The following IKZF2 variants were observed in gnomAD, a reference collection of about 807,000 sequenced individuals.
IKZF2 encodes the protein zinc finger protein Helios.
IKZF2 carries 15 observed loss-of-function variants against 49.2 expected under a neutral mutation model. The ratio of observed to expected loss-of-function variants is 0.30; its 90% CI spans 0.20 to 0.47. The LOEUF (loss-of-function observed/expected upper bound fraction) is 0.47. IKZF2 is among the 20% of genes least tolerant of loss of function. The probability of loss-of-function intolerance (pLI) is 1.00; values close to 1 mark genes in which losing one functional copy is unlikely to be tolerated. For synonymous variants in IKZF2, 227 were observed against 221.4 expected (o/e 1.03, Z -0.23); for missense variants, 567 against 664.6 (o/e 0.85, Z 1.61).
chr2:213,113,464 T>C (rs1395493399), intron 4 of IKZF2, among the ~76,000 whole-genome samples: 1 of 152,212 alleles, frequency 6.6e-6, no homozygotes, highest in African/African-American at 2.4e-5. Flanking sequence ...TAGCTTTTTC[T>C]TACACATAAT....
chr2:213,003,863 C>T lies in IKZF2; in HGVS notation c.*3497G>A, dbSNP rs1385504007. Reference sequence around the variant, plus strand: ...TAATATTTATTTTCTGAATTTTCTTCGTATTCCAAAAAACTTTACATTAAA... The same window carrying T: ...TAATATTTATTTTCTGAATTTTCTTTGTATTCCAAAAAACTTTACATTAAA... On this transcript the variant is annotated 3_prime_UTR_variant, in exon 9 of 9. Coordinates refer to ENST00000434687, the MANE Select transcript of IKZF2 (RefSeq NM_001387220.1). 7.9e-5 allele frequency: 12 copies of T among 151,684 alleles called. No homozygotes were observed. The highest frequency in any genetic ancestry group is 1.0e-4 in the Non-Finnish European group (7 of 67,750). 9.4% of individuals were successfully genotyped at this position (151,684 alleles called of 1,614,324 possible). A position where few individuals can be genotyped will look rare whatever the true frequency, so the allele number is the denominator to read the frequency against.
At chr2:213,104,820 A>G (rs997887034) in intron 4 of IKZF2, among the ~76,000 whole-genome samples, 5 of 152,240 alleles carry the variant, frequency 3.3e-5, no homozygotes, top group Non-Finnish European at 5.9e-5. Context: ...TCCACATAGC[A>G]TGCAACACAC....
At chr2:213,104,660 G>A (rs568932442) in intron 4 of IKZF2, among the ~76,000 whole-genome samples, 1 of 152,246 alleles carries the variant, frequency 6.6e-6, no homozygotes, top group African/African-American at 2.4e-5. Flanking sequence ...ATAGAAGCAG[G>A]GACTCTGCTT....
At chr2:213,035,320 C>T (rs979853901) in intron 6 of IKZF2, among the ~76,000 whole-genome samples, 23 of 152,020 alleles carry the variant, frequency 1.5e-4, no homozygotes, top group African/African-American at 3.1e-4. Context: ...GATTCTTGCC[C>T]GTCTCCCCTT....
At position 213,129,160 on chromosome 2, in the gene IKZF2, C is replaced by T. The variant is rs373704751; in HGVS notation, c.139+18548G>A. 4.7e-4 allele frequency among the ~76,000 whole-genome samples: 71 copies of T among 151,970 alleles called. No individual in the cohort carries two copies. The South Asian group carries it at 5.8e-3, about 13-fold the overall frequency. Reference sequence around the variant, plus strand: ...GTGAGTTCACATTTATTGTCTATTACATTCCTGGCCCTACTACATGAATGA... The same window carrying T: ...GTGAGTTCACATTTATTGTCTATTATATTCCTGGCCCTACTACATGAATGA... On this transcript the variant is annotated intron_variant, in intron 4 of 8. Transcript: ENST00000434687.
At chr2:213,045,102 T>C (rs1700033640) in intron 6 of IKZF2, among the ~76,000 whole-genome samples, 1 of 152,156 alleles carries the variant, frequency 6.6e-6, no homozygotes, top group Non-Finnish European at 1.5e-5. Flanking sequence ...CCTACAACTA[T>C]CACCTCTCCC....
At chr2:213,019,100 G>C (rs1353433928) in intron 7 of IKZF2, among the ~76,000 whole-genome samples, 3 of 151,998 alleles carry the variant, frequency 2.0e-5, no homozygotes, top group African/African-American at 7.3e-5. Context: ...GTAAGCTCTT[G>C]ATAAATGTTT....
upstream of IKZF2, among the ~76,000 whole-genome samples, chr2:213,151,906 G>A (rs1371157078): frequency 2.0e-5 from 3 of 150,994 alleles, no homozygotes; most frequent in Admixed American, 6.6e-5. Context: ...TGCGCGCTAA[G>A]CCGCTCGGCG....
intron 4 of IKZF2, among the ~76,000 whole-genome samples, chr2:213,116,363 GAT>G (rs1416159462): frequency 2.0e-5 from 3 of 152,148 alleles, no homozygotes; most frequent in African/African-American, 7.2e-5. Context: ...AATCTAAACA[GAT>G]ATACTTTGAG....
intron 4 of IKZF2, among the ~76,000 whole-genome samples, chr2:213,141,689 C>G (rs188676343): frequency 6.6e-6 from 1 of 151,818 alleles, no homozygotes; most frequent in East Asian, 1.9e-4. Flanking sequence ...TCTCATCCCC[C>G]GTAATAATCA....
intron 4 of IKZF2, among the ~76,000 whole-genome samples, chr2:213,135,202 G>A (rs2060613777): frequency 6.6e-6 from 1 of 152,148 alleles, no homozygotes; most frequent in Non-Finnish European, 1.5e-5. Context: ...ATGCAAGATA[G>A]AATTGAAAAT....
intron 4 of IKZF2, among the ~76,000 whole-genome samples, chr2:213,068,442 C>T (rs1271419233): frequency 1.3e-5 from 2 of 152,040 alleles, no homozygotes; most frequent in Admixed American, 6.6e-5. Flanking sequence ...AGGTAAAATG[C>T]TTAAAAGCCT....
At chr2:213,145,808 C>T (rs892474779) in intron 4 of IKZF2, among the ~76,000 whole-genome samples, 1 of 151,930 alleles carries the variant, frequency 6.6e-6, no homozygotes, top group African/African-American at 2.4e-5. Flanking sequence ...TAGCCAAAAC[C>T]TGTACTAACA....
At chr2:213,146,606 C>T (rs2061068825) in intron 4 of IKZF2, among the ~76,000 whole-genome samples, 1 of 151,762 alleles carries the variant, frequency 6.6e-6, no homozygotes, top group South Asian at 2.1e-4. Context: ...GTAGTATTTA[C>T]TAATTACTAA....
At chr2:213,138,013 C>G (rs1052874875) in intron 4 of IKZF2, among the ~76,000 whole-genome samples, 1 of 152,004 alleles carries the variant, frequency 6.6e-6, no homozygotes, top group African/African-American at 2.4e-5. Flanking sequence ...AGTGTAGACA[C>G]CCAGAATGTT....
rs73077223 is a variant in IKZF2, at chr2:213,072,861, T to C, written c.140-15762A>G. Among the ~76,000 whole-genome samples the C allele has an allele frequency of 1.2e-3, 185 of 152,258 alleles. 1 individual carries two copies. Among genetic ancestry groups the C allele is most frequent in the African/African-American group, 4.4e-3 (182 of 41,576 alleles). ...CACATGAACACGAAATCTAAGGCAC[T>C]GGAACCCATTCAGTTAGAGACTGAA... On this transcript the variant is annotated intron_variant, in intron 4 of 8. Coordinates refer to ENST00000434687, the MANE Select transcript of IKZF2 (RefSeq NM_001387220.1).
chr2:213,114,582 T>C (rs370052520), intron 4 of IKZF2, among the ~76,000 whole-genome samples: 7 of 152,120 alleles, frequency 4.6e-5, no homozygotes, highest in African/African-American at 1.7e-4. Context: ...TGTGAAAATG[T>C]GAACCTGAAC....
intron 4 of IKZF2, among the ~76,000 whole-genome samples, chr2:213,127,002 C>T (rs1253430928): frequency 7.9e-5 from 12 of 152,096 alleles, no homozygotes; most frequent in African/African-American, 2.4e-5. Context: ...TGCTATCTGC[C>T]GGGAAATGAC....
chr2:213,033,859 G>A (rs1293179464), intron 6 of IKZF2, among the ~76,000 whole-genome samples: 1 of 152,146 alleles, frequency 6.6e-6, no homozygotes, highest in Non-Finnish European at 1.5e-5. Flanking sequence ...CCTGTCCTTT[G>A]AAGCTTTTAA....
Sources: allele counts gnomAD v4.1 joint callset (sites outside exome capture counted in the v4.1 genomes callset), GRCh38; gene constraint gnomAD v4.1.1; transcripts MANE v1.5; gene names NCBI Gene and HGNC (gene_info 2026-07-23, HGNC 2026-07-21).